Variants in XXYLT1 observed in about 807,000 individuals in gnomAD.
The protein encoded by XXYLT1 is UDP-xylose:alpha-xyloside alpha-1,3-xylosyltransferase.
XXYLT1 carries 20 observed loss-of-function variants against 28.9 expected under a neutral mutation model. The observed-to-expected ratio is 0.69, with a 90% CI of 0.49 to 1.00. The LOEUF is 1.00. Ranked by LOEUF, XXYLT1 falls within the 50% of genes least tolerant of loss-of-function variation. XXYLT1 has a pLI of 0.00. For synonymous variants in XXYLT1, 257 were observed against 253.8 expected, an observed-to-expected ratio of 1.01 and a Z score of -0.12; for missense variants, 542 against 560.1, an observed-to-expected ratio of 0.97 and a Z score of 0.33.
At chr3:195,235,878 A>G (rs1200026207) in intron 1 of XXYLT1, among the ~76,000 whole-genome samples, 3 of 151,616 alleles carry the variant, frequency 2.0e-5, no homozygotes, top group East Asian at 3.9e-4. Flanking sequence ...ATCTCTCTAT[A>G]TATCTATAAA....
intron 2 of XXYLT1, among the ~76,000 whole-genome samples, chr3:195,179,637 T>C (rs1039101189): frequency 6.6e-6 from 1 of 151,784 alleles, no homozygotes; most frequent in African/African-American, 2.4e-5. Context: ...AGCTTGTAAG[T>C]CCACTAGTCA....
chr3:195,228,768 A>G (rs1190688937), intron 1 of XXYLT1, among the ~76,000 whole-genome samples: 11 of 150,294 alleles, frequency 7.3e-5, no homozygotes, highest in East Asian at 4.0e-4. Flanking sequence ...GATTACAGGC[A>G]TGATCCACCA....
chr3:195,177,078 G>T (rs1234054998), intron 2 of XXYLT1, among the ~76,000 whole-genome samples: 1 of 152,188 alleles, frequency 6.6e-6, no homozygotes, highest in Non-Finnish European at 1.5e-5. Context: ...ATAAAGGCTG[G>T]GTCCCTCCCT....
chr3:195,107,613 AGGAGGAGGGGG>A (rs1717211233), intron 3 of XXYLT1, among the ~76,000 whole-genome samples: 3 of 19,430 alleles, frequency 1.5e-4, no homozygotes, highest in African/African-American at 2.1e-4. Flanking sequence ...GAGGAAGGGG[AGGAGGAGGGGG>A]AGGAGGAGGG....
chr3:195,237,395 A>C (rs1394131864), intron 1 of XXYLT1, among the ~76,000 whole-genome samples: 1 of 152,092 alleles, frequency 6.6e-6, no homozygotes, highest in Non-Finnish European at 1.5e-5. Flanking sequence ...TCCCCGTCAC[A>C]CAGGTTCTCT....
At chr3:195,135,674 A>T (rs575348941) in intron 3 of XXYLT1, among the ~76,000 whole-genome samples, 5 of 152,346 alleles carry the variant, frequency 3.3e-5, no homozygotes, top group Non-Finnish European at 7.3e-5. Context: ...GGTTCCTGTG[A>T]CTGAAGGGGC....
chr3:195,162,936 T>C (rs1720943935), intron 2 of XXYLT1, among the ~76,000 whole-genome samples: 2 of 152,236 alleles, frequency 1.3e-5, no homozygotes, highest in South Asian at 2.1e-4. Context: ...AGGATGTCCA[T>C]GGTCCCTGCT....
chr3:195,085,767 C>T (rs1715692076), intron 3 of XXYLT1: 1 of 152,728 alleles, frequency 6.5e-6, no homozygotes. Flanking sequence ...CACTGTCCTT[C>T]GACTGTGGTG....
chr3:195,172,419 C>T (rs1363028483), intron 2 of XXYLT1, among the ~76,000 whole-genome samples: 1 of 152,198 alleles, frequency 6.6e-6, no homozygotes, highest in African/African-American at 2.4e-5. Flanking sequence ...AGTACCAAGC[C>T]GGAACCTCTG....
Position 195,168,238 on chromosome 3 carries a change from A to C in XXYLT1, c.653-11657T>G, listed in dbSNP as rs1721225979. ...GTCTGAGACTCCTCCCAGCCCTACCACCCTGTGATTCTGAACAGGAATGGT... is the reference window on the plus strand; with the variant it reads ...GTCTGAGACTCCTCCCAGCCCTACCCCCCTGTGATTCTGAACAGGAATGGT... On this transcript the variant is annotated intron_variant, in intron 2 of 3. Transcript: ENST00000310380. This position sits in a 1 kb window ranked among gnomAD's most constrained non-coding sequence, Gnocchi z 4.3. 6.6e-6 allele frequency among the ~76,000 whole-genome samples: 1 copy of C among 152,096 alleles called. No individual in the cohort carries two copies. Among genetic ancestry groups the C allele is most frequent in the Non-Finnish European group, 1.5e-5 (1 of 68,016 alleles).
chr3:195,155,624 C>T (rs1272726148), intron 3 of XXYLT1, among the ~76,000 whole-genome samples: 1 of 151,786 alleles, frequency 6.6e-6, no homozygotes, highest in African/African-American at 2.4e-5. Flanking sequence ...GGAACTGAGA[C>T]CTTGCAGCTC....
chr3:195,107,474 C>CA (rs372671595), intron 3 of XXYLT1, among the ~76,000 whole-genome samples: 26,039 of 45,434 alleles, frequency 0.57, 8,857 homozygotes, highest in African/African-American at 0.6. Context: ...AACTCCGTCT[C>CA]AAAAAAAAAA....
intron 2 of XXYLT1, among the ~76,000 whole-genome samples, chr3:195,161,118 C>A (rs1720849288): frequency 6.6e-6 from 1 of 152,164 alleles, no homozygotes; most frequent in South Asian, 2.1e-4. Flanking sequence ...GTGTGCCAGG[C>A]CCTGGGAAGG....
intron 1 of XXYLT1, chr3:195,270,098 A>G: frequency 3.4e-6 from 1 of 296,482 alleles, no homozygotes; most frequent in Admixed American, 4.5e-5. Flanking sequence ...CCTTAAGAGC[A>G]ATGAGAAGTG....
At chr3:195,152,532 A>G (rs1433368136) in intron 3 of XXYLT1, 2 of 152,416 alleles carry the variant, frequency 1.3e-5, no homozygotes, top group Non-Finnish European at 2.9e-5. Context: ...TGTCAGTTCC[A>G]TGGACCTAGG....
intron 1 of XXYLT1, among the ~76,000 whole-genome samples, chr3:195,235,027 C>T (rs1724474596): frequency 1.3e-5 from 2 of 151,910 alleles, no homozygotes; most frequent in South Asian, 4.2e-4. Flanking sequence ...TTCCAGATCT[C>T]GTAGGCAAGC....
intron 1 of XXYLT1, among the ~76,000 whole-genome samples, chr3:195,269,072 G>A (rs537355486): frequency 3.3e-5 from 5 of 152,358 alleles, no homozygotes; most frequent in East Asian, 1.9e-4. Context: ...AAAAGCAAAG[G>A]CAAGTAGGCT....
rs1721695274 is a variant in XXYLT1, at chr3:195,176,930, C to G, written c.653-20349G>C. 6.6e-6 allele frequency among the ~76,000 whole-genome samples: 1 copy of G among 152,180 alleles called. No individual in the cohort carries two copies. Among genetic ancestry groups the G allele is most frequent in the South Asian group, 2.1e-4 (1 of 4,828 alleles). Reference sequence around the variant, plus strand: ...AAACTCTCAAGCCCCCGCCTAGGGACTAACTCCCCGGCCTGCTGCCGCTGC... The same window carrying G: ...AAACTCTCAAGCCCCCGCCTAGGGAGTAACTCCCCGGCCTGCTGCCGCTGC... On this transcript the variant is annotated intron_variant, in intron 2 of 3. Transcript: ENST00000310380. The surrounding 1 kb of genome is among the most constrained non-coding windows in gnomAD (Gnocchi z 4.9).
At chr3:195,223,092 A>G (rs6790425) in intron 2 of XXYLT1, among the ~76,000 whole-genome samples, 15,937 of 151,408 alleles carry the variant, frequency 0.11, 1,602 homozygotes, top group African/African-American at 0.26. Flanking sequence ...AATTAGCCGG[A>G]CATGGTGGCG....
Sources: allele counts gnomAD v4.1 joint callset (sites outside exome capture counted in the v4.1 genomes callset), GRCh38; gene constraint gnomAD v4.1.1; non-coding constraint Gnocchi (gnomAD v3.1); transcripts MANE v1.5; gene names NCBI Gene and HGNC (gene_info 2026-07-23, HGNC 2026-07-21).